PDE4A: variants seen among roughly 807,000 people sequenced by gnomAD.
The protein encoded by PDE4A is phosphodiesterase 4A.
In PDE4A, 21 loss-of-function variants were observed where a neutral mutation model predicts 73.9. That is an observed-to-expected ratio of 0.28 (90% CI 0.20 to 0.41). PDE4A has a LOEUF of 0.41. PDE4A is among the 10% of genes least tolerant of loss of function. PDE4A has a pLI of 1.00. For synonymous variants in PDE4A, 463 were observed against 505.4 expected (o/e 0.92, Z 1.13); for missense variants, 958 against 1,211.4 (o/e 0.79, Z 3.10).
intron 1 of PDE4A, chr19:10,422,986 TG>T: frequency 2.5e-6 from 1 of 394,406 alleles, no homozygotes; most frequent in Non-Finnish European, 3.4e-6. Context: ...AGTGGCTGAG[TG>T]GTAATAATCA....
chr19:10,418,648 C>A, upstream of PDE4A: 1 of 492,704 alleles, frequency 2.0e-6, no homozygotes, highest in Non-Finnish European at 2.6e-6. Context: ...ATCCCACTAG[C>A]CTCAGGTCCA....
chr19:10,441,699 T>A (rs1040946507), intron 1 of PDE4A, among the ~76,000 whole-genome samples: 9 of 146,042 alleles, frequency 6.2e-5, no homozygotes, highest in South Asian at 2.2e-4. Flanking sequence ...TTTTTTTTTT[T>A]TTTTTTTTGA....
At chr19:10,420,385 T>G (rs1011188595), upstream of PDE4A, 41 of 971,864 alleles carry the variant, frequency 4.2e-5, no homozygotes, top group African/African-American at 7.2e-4. This position sits in a 1 kb window ranked among gnomAD's most constrained non-coding sequence, Gnocchi z 6.0. Context: ...AGGGCCCCCC[T>G]CCTTAGGTAG....
upstream of PDE4A, chr19:10,416,856 G>T: frequency 6.5e-7 from 1 of 1,533,734 alleles, no homozygotes; most frequent in South Asian, 1.2e-5. Context: ...GGGCACTGAT[G>T]GCAGATGCGT....
At chr19:10,445,331 G>A (rs989614403) in intron 1 of PDE4A, among the ~76,000 whole-genome samples, 4 of 152,220 alleles carry the variant, frequency 2.6e-5, no homozygotes, top group African/African-American at 9.6e-5. Flanking sequence ...TTTGAGGTAC[G>A]AAGGAAAGAG....
At position 10,420,596 on chromosome 19, in the gene PDE4A, C is replaced by G; in HGVS notation, c.-169C>G. 7.7e-7 allele frequency: 1 copy of G among 1,292,580 alleles called. No individual in the cohort carries two copies. Among genetic ancestry groups the G allele is most frequent in the East Asian group, 3.2e-5 (1 of 30,770 alleles). The allele number at this position is 1,292,580 out of a possible 1,614,324, so 80.1% of individuals were successfully genotyped here. A position where few individuals can be genotyped will look rare whatever the true frequency, so the allele number is the denominator to read the frequency against. ...GCCGAAAGGAAGCTGCAGAGCCCGG[C>G]CCGGGGGCGATTGGCCCGCAGCGCC... is the stretch of plus-strand genomic sequence containing the variant. On this transcript the variant is annotated 5_prime_UTR_variant, in exon 1 of 15. Transcript: ENST00000380702. The surrounding 1 kb of genome is among the most constrained non-coding windows in gnomAD (Gnocchi z 6.0).
chr19:10,444,162 C>T (rs112583487), intron 1 of PDE4A, among the ~76,000 whole-genome samples: 5,417 of 152,050 alleles, frequency 0.036, 318 homozygotes, highest in African/African-American at 0.12. Context: ...GGGCAGATCA[C>T]CTGAGGCTGG....
At chr19:10,451,091 T>G in intron 6 of PDE4A, 150 bp downstream of exon 6, 1 of 802,798 alleles carries the variant, frequency 1.2e-6, no homozygotes, top group Non-Finnish European at 2.0e-6. Context: ...CTACTGGGTG[T>G]GGCTGATTAG....
chr19:10,465,307 G>A (rs980623226), intron 14 of PDE4A, among the ~76,000 whole-genome samples: 1 of 150,672 alleles, frequency 6.6e-6, no homozygotes, highest in Non-Finnish European at 1.5e-5. Context: ...TGCAACCTCC[G>A]CCTCTCGGGT....
rs369639923 is a variant in PDE4A, at chr19:10,448,974, G to A, written c.549+21G>A. 3 of 1,613,194 alleles carry A rather than the reference G, an allele frequency of 1.9e-6. No homozygotes were observed. In the South Asian group the frequency reaches 3.3e-5, roughly 18 times the overall value. ...CTCAGGTGAGACCTCTTCCCAAATGGTTAAGGAGAGAAGGGGCTCCAATGC... is the reference window on the plus strand; with the variant it reads ...CTCAGGTGAGACCTCTTCCCAAATGATTAAGGAGAGAAGGGGCTCCAATGC... On this transcript the variant is annotated intron_variant, in intron 3 of 14. Coordinates refer to ENST00000380702, the MANE Select transcript of PDE4A (RefSeq NM_001111307.2).
At position 10,421,039 on chromosome 19, in the gene PDE4A, G is replaced by A; in HGVS notation, c.275G>A (p.Gly92Asp). Residue 92 changes from glycine to aspartate, a missense_variant, in exon 1 of 15, where the codon GGC becomes GAC. Physicochemically the swap from Gly to Asp is moderately conservative, Grantham distance 94. Around this residue, in one of 3 missense-constraint regions of PDE4A, gnomAD observed 145 missense variants for 137.8 expected, o/e 1.05. Coordinates refer to ENST00000380702, the MANE Select transcript of PDE4A (RefSeq NM_001111307.2). ...TRMSWPSSFHGTGTGSGGAGG... is the reference protein window; with the variant it reads ...TRMSWPSSFHDTGTGSGGAGG... Reference sequence around the variant, plus strand: ...ATGTCCTGGCCCTCGTCCTTCCATGGCACTGGCACCGGCAGCGGCGGCGCG... The same window carrying A: ...ATGTCCTGGCCCTCGTCCTTCCATGACACTGGCACCGGCAGCGGCGGCGCG... 5 of 1,409,894 alleles carry A rather than the reference G, an allele frequency of 3.5e-6. No individual in the cohort carries two copies. Among genetic ancestry groups the A allele is most frequent in the Non-Finnish European group, 4.6e-6 (5 of 1,092,480 alleles). The allele number at this position is 1,409,894 out of a possible 1,614,324, so 87.3% of individuals were successfully genotyped here. A position where few individuals can be genotyped will look rare whatever the true frequency, so the allele number is the denominator to read the frequency against.
At chr19:10,432,128 C>T (rs1035410251) in intron 1 of PDE4A, among the ~76,000 whole-genome samples, 1 of 135,174 alleles carries the variant, frequency 7.4e-6, no homozygotes, top group Non-Finnish European at 1.5e-5. Context: ...GGCCCGGAGC[C>T]GGGAAACCGG....
upstream of PDE4A, chr19:10,419,236 G>C (rs2042617374): frequency 5.3e-6 from 1 of 189,164 alleles, no homozygotes; most frequent in Admixed American, 6.8e-5. Context: ...TGGGGGGGGG[G>C]GGCGGTGGGA....
chr19:10,459,920 A>G (rs2043235437), intron 10 of PDE4A, among the ~76,000 whole-genome samples, 161 bp downstream of exon 10: 1 of 150,764 alleles, frequency 6.6e-6, no homozygotes, highest in Non-Finnish European at 1.5e-5. Flanking sequence ...TTGCTCTGCC[A>G]CCCAGGCTAG....
At chr19:10,442,726 A>T (rs2042954020) in intron 1 of PDE4A, among the ~76,000 whole-genome samples, 1 of 149,722 alleles carries the variant, frequency 6.7e-6, no homozygotes, top group South Asian at 2.1e-4. Flanking sequence ...CCTTATTACT[A>T]TTATTACATA....
chr19:10,442,511 G>A (rs1203449569), intron 1 of PDE4A, among the ~76,000 whole-genome samples: 1 of 151,910 alleles, frequency 6.6e-6, no homozygotes, highest in Admixed American at 6.6e-5. Flanking sequence ...GCGACAGAGT[G>A]AAATCCTGTC....
intron 2 of PDE4A, among the ~76,000 whole-genome samples, chr19:10,448,315 A>G (rs1364783122): frequency 6.6e-6 from 1 of 151,642 alleles, no homozygotes; most frequent in Non-Finnish European, 1.5e-5. Context: ...GGCCAGGATA[A>G]GATGTCATCT....
At chr19:10,420,511 C>G (rs2042634537), upstream of PDE4A, 2 of 1,046,220 alleles carry the variant, frequency 1.9e-6, no homozygotes, top group South Asian at 4.7e-5. This position sits in a 1 kb window ranked among gnomAD's most constrained non-coding sequence, Gnocchi z 6.0. Flanking sequence ...CCGAGCGGGC[C>G]GCGGAACGCG....
chr19:10,450,452 T>C, intron 4 of PDE4A, 151 bp from the exon 5 acceptor site: 3 of 1,419,738 alleles, frequency 2.1e-6, no homozygotes, highest in Non-Finnish European at 9.2e-7. Flanking sequence ...CTGGGACTCA[T>C]TGAGGCTGCA....
Sources: gnomAD v4.1 joint callset for allele counts (sites outside exome capture counted in the v4.1 genomes callset) on GRCh38, gnomAD v4.1.1 for gene constraint, gnomAD v4.1.1 regional missense constraint, Gnocchi (gnomAD v3.1) non-coding constraint, MANE v1.5 for transcripts, NCBI Gene and HGNC (gene_info 2026-07-23, HGNC 2026-07-21) for gene names.